MAMLD1: variants seen among roughly 807,000 people sequenced by gnomAD.
MAMLD1 encodes mastermind like domain containing 1.
In MAMLD1, 14 loss-of-function variants were observed where a neutral mutation model predicts 45.0. The observed-to-expected ratio is 0.31, with a 90% CI of 0.21 to 0.49. The LOEUF (loss-of-function observed/expected upper bound fraction) is 0.49. MAMLD1 is among the 20% of genes least tolerant of loss of function. The pLI is 0.99. For synonymous variants in MAMLD1, 254 were observed against 247.8 expected, an observed-to-expected ratio of 1.02 and a Z score of -0.24; for missense variants, 543 against 603.6, an observed-to-expected ratio of 0.90 and a Z score of 1.05.
At chrX:150,411,550 A>G (rs1259703224) in intron 1 of MAMLD1, among the ~76,000 whole-genome samples, 1 of 112,272 alleles carries the variant, frequency 8.9e-6, no homozygotes, top group African/African-American at 3.2e-5. Flanking sequence ...TTTGGTATGC[A>G]CAATGCCTCT....
chrX:150,455,105 G>A (rs1388226264), intron 2 of MAMLD1, among the ~76,000 whole-genome samples: 2 of 111,815 alleles, frequency 1.8e-5, no homozygotes, highest in African/African-American at 3.3e-5. Flanking sequence ...TTTTTAAATT[G>A]TCATTATTTT....
At chrX:150,474,141 T>G (rs1394724442) in intron 5 of MAMLD1, among the ~76,000 whole-genome samples, 1 of 111,311 alleles carries the variant, frequency 9.0e-6, no homozygotes, top group Non-Finnish European at 1.9e-5. Context: ...TGGGACCTGG[T>G]GCTTCACCTG....
intron 2 of MAMLD1, among the ~76,000 whole-genome samples, chrX:150,454,126 G>A (rs1232218270): frequency 2.7e-5 from 3 of 111,965 alleles, no homozygotes; most frequent in Non-Finnish European, 5.6e-5. Context: ...CCACTCTGTA[G>A]GTGCTTCTTT....
rs2037968517 is a variant in MAMLD1, at chrX:150,513,855, C to T, written c.*1896C>T. On this transcript the variant is annotated 3_prime_UTR_variant, in exon 8 of 8. Transcript: ENST00000370401. The stretch of plus-strand genomic sequence containing the variant: ...TGTGTGCACCCTCGTGGGGTTAAGG[C>T]GAGCTGTTCCTGGTTTAAAGCCTTT... The T allele has an allele frequency of 6.7e-6, 2 of 297,576 alleles. No individual in the cohort carries two copies. Among genetic ancestry groups the T allele is most frequent in the Admixed American group, 1.2e-4 (2 of 16,494 alleles). 24.5% of individuals were successfully genotyped at this position (297,576 alleles called of 1,213,427 possible).
Position 150,471,167 on chromosome X carries a change from G to A in MAMLD1, c.1594G>A (p.Gly532Arg). ...GCAGGGGATGGCAAGCTCCAGCCCA[G>A]GAGCCACGGAGCCATTTACTTTTGG... The part of the protein sequence containing the change: ...MQQGMASSSP[G>R]ATEPFTFGNT... The change falls in exon 4 of 8, where the codon GGA (glycine) becomes AGA (arginine). Residue 532 changes from glycine to arginine, a missense_variant. Gly to Arg is a moderately radical substitution (Grantham distance 125, BLOSUM62 -2). Coordinates refer to ENST00000370401, the MANE Select transcript of MAMLD1 (RefSeq NM_005491.5). 8.3e-7 allele frequency: 1 copy of A among 1,211,699 alleles called. No homozygotes were observed. The highest frequency in any genetic ancestry group is 1.1e-6 in the Non-Finnish European group (1 of 895,510).
chrX:150,398,521 G>A (rs959238083), intron 1 of MAMLD1, among the ~76,000 whole-genome samples: 1 of 111,167 alleles, frequency 9.0e-6, no homozygotes, highest in South Asian at 3.9e-4. Flanking sequence ...TGGGAGCACT[G>A]GTATTTTCAG....
At chrX:150,452,655 G>T (rs1557405112) in intron 2 of MAMLD1, among the ~76,000 whole-genome samples, 1 of 107,965 alleles carries the variant, frequency 9.3e-6, no homozygotes, top group Non-Finnish European at 1.9e-5. Flanking sequence ...ACATTGTGCA[G>T]GTTAGTTACA....
At chrX:150,452,245 C>T (rs782644108) in intron 2 of MAMLD1, among the ~76,000 whole-genome samples, 2 of 112,037 alleles carry the variant, frequency 1.8e-5, no homozygotes, top group Non-Finnish European at 3.8e-5. Flanking sequence ...GAGTTATTTG[C>T]AGAGTACCAT....
At chrX:150,399,196 G>A (rs1302244431) in intron 1 of MAMLD1, among the ~76,000 whole-genome samples, 1 of 111,808 alleles carries the variant, frequency 8.9e-6, no homozygotes, top group East Asian at 2.8e-4. Flanking sequence ...GGAGTCCAGG[G>A]AAGAGATGAT....
intron 5 of MAMLD1, among the ~76,000 whole-genome samples, chrX:150,475,812 C>T (rs1364708843): frequency 3.6e-5 from 4 of 111,936 alleles, no homozygotes; most frequent in African/African-American, 1.3e-4. Context: ...TAGAACGGTG[C>T]CCAGCACACA....
intron 1 of MAMLD1, among the ~76,000 whole-genome samples, chrX:150,365,436 C>A (rs1271354574): frequency 8.9e-6 from 1 of 112,968 alleles, no homozygotes; most frequent in Non-Finnish European, 1.9e-5. Flanking sequence ...CTGGCGGGCG[C>A]GCGCAGAGGC....
intron 1 of MAMLD1, among the ~76,000 whole-genome samples, chrX:150,423,728 A>G (rs1375027134): frequency 1.8e-5 from 2 of 111,199 alleles, no homozygotes; most frequent in African/African-American, 6.6e-5. Flanking sequence ...GTGGTCGACT[A>G]TGGAAAAGCT....
At chrX:150,505,040 G>A (rs1181363920) in intron 6 of MAMLD1, 1 of 753,723 alleles carries the variant, frequency 1.3e-6, no homozygotes, top group Non-Finnish European at 1.6e-6. Context: ...GACTGAGGAG[G>A]AGTCAGAATA....
intron 5 of MAMLD1, among the ~76,000 whole-genome samples, chrX:150,492,634 G>T (rs1366547154): frequency 8.9e-6 from 1 of 111,816 alleles, no homozygotes; most frequent in Non-Finnish European, 1.9e-5. Flanking sequence ...TTCCTGCCAT[G>T]AGTTTCAGTG....
intron 1 of MAMLD1, among the ~76,000 whole-genome samples, chrX:150,398,329 G>GA (rs1569564612): frequency 1.2e-5 from 1 of 83,857 alleles, no homozygotes; most frequent in African/African-American, 4.5e-5. Flanking sequence ...AGAAGAAGAA[G>GA]AAGAAGAAGA....
chrX:150,413,116 T>C (rs1196659211), intron 1 of MAMLD1, among the ~76,000 whole-genome samples: 1 of 111,328 alleles, frequency 9.0e-6, no homozygotes. Context: ...ACTTGGACAT[T>C]TTTGGGGTGT....
intron 1 of MAMLD1, among the ~76,000 whole-genome samples, chrX:150,408,866 T>C (rs185835250): frequency 2.3e-4 from 26 of 112,392 alleles, no homozygotes; most frequent in African/African-American, 8.1e-4. Context: ...AAGCCACTTG[T>C]ATATGCTGTT....
chrX:150,448,894 G>A (rs1369049085), intron 2 of MAMLD1, among the ~76,000 whole-genome samples: 4 of 111,805 alleles, frequency 3.6e-5, no homozygotes, highest in Non-Finnish European at 7.5e-5. Context: ...ACCATAAGTG[G>A]CAAAGATTCC....
At position 150,420,790 on chromosome X, in the gene MAMLD1, C is replaced by T. The variant is rs782125867; in HGVS notation, c.-63-24664C>T. Among the ~76,000 whole-genome samples the T allele has an allele frequency of 3.3e-3, 375 of 112,415 alleles. 1 individual carries two copies. Among genetic ancestry groups the T allele is most frequent in the Non-Finnish European group, 5.4e-3 (289 of 53,153 alleles). The stretch of plus-strand genomic sequence containing the variant: ...GGGACCCACTTGAGGAGGCAGTCTG[C>T]CCGTTCTCAGATCTCCAGCTGTGTG... On this transcript the variant is annotated intron_variant, in intron 1 of 7. Transcript: ENST00000370401.
Sources: allele counts gnomAD v4.1 joint callset (sites outside exome capture counted in the v4.1 genomes callset), GRCh38; gene constraint gnomAD v4.1.1; transcripts MANE v1.5; gene names NCBI Gene and HGNC (gene_info 2026-07-23, HGNC 2026-07-21).